Variants in COL28A1 observed in about 807,000 individuals in gnomAD.
COL28A1 encodes collagen alpha-1(XXVIII) chain.
COL28A1 carries 161 observed loss-of-function variants against 150.2 expected under a neutral mutation model. That is an observed-to-expected ratio of 1.07 (90% CI 0.94 to 1.22). The LOEUF (loss-of-function observed/expected upper bound fraction) is 1.22. COL28A1 is among the 50% of genes most tolerant of loss of function. The pLI is 0.00. For missense variants in COL28A1, 1,617 were observed against 1,388.3 expected (o/e 1.16, Z -2.62); for synonymous variants, 552 against 469.7 (o/e 1.18, Z -2.26).
At chr7:7,348,465 C>T in the COL28A1 span, among the ~76,000 whole-genome samples, 4 of 150,784 alleles carry the variant, frequency 2.7e-5, no homozygotes, top group African/African-American at 1.0e-4. Context: ...CTAGCACACT[C>T]TCACTCGCTC....
chr7:7,386,571 G>C (rs775518675), intron 27 of COL28A1, among the ~76,000 whole-genome samples: 5 of 152,184 alleles, frequency 3.3e-5, no homozygotes, highest in Non-Finnish European at 5.9e-5. Flanking sequence ...ATACAAGCTG[G>C]TGAGAATTTA....
chr7:7,520,588 G>T lies in COL28A1; in HGVS notation c.760-473C>A, dbSNP rs1447763968. Among the ~76,000 whole-genome samples, 12 of 152,150 alleles carry T rather than the reference G, an allele frequency of 7.9e-5. 2 individuals are homozygous for T. The highest frequency in any genetic ancestry group is 7.9e-4 in the Admixed American group (12 of 15,266). On this transcript the variant is annotated intron_variant, in intron 5 of 34. Coordinates refer to ENST00000399429, the MANE Select transcript of COL28A1 (RefSeq NM_001037763.3). ...CAGGAGACAATCTCAAAAGATGGGA[G>T]AAAGGAGCTCTGTAATCCTGTTCCA...
intron 24 of COL28A1, 40 bp downstream of exon 24, chr7:7,432,592 C>T (rs1444598239): frequency 5.0e-6 from 8 of 1,611,980 alleles, no homozygotes; most frequent in Non-Finnish European, 6.8e-6. Context: ...GTATGCAACA[C>T]TCAAAAAGGA....
chr7:7,343,372 T>A, the COL28A1 span, among the ~76,000 whole-genome samples: 445 of 152,168 alleles, frequency 2.9e-3, 6 homozygotes, highest in African/African-American at 0.01. Context: ...AACTTCCATG[T>A]CTCTTAACTT....
intron 27 of COL28A1, among the ~76,000 whole-genome samples, chr7:7,397,392 G>A (rs1782900747): frequency 6.6e-6 from 1 of 151,992 alleles, no homozygotes. Context: ...CCCCAACTCA[G>A]GATTCCTTCT....
At position 7,373,262 on chromosome 7, in the gene COL28A1, G is replaced by C; in HGVS notation, c.2644C>G (p.Gln882Glu). ...GEGTYTATAL[Q>E]AANDMFEDAR... ...TCTTCAAACATGTCGTTGGCTGCTT[G>C]CAGAGCAGTGGCTGTGTATGTGCCT... is the stretch of plus-strand genomic sequence containing the variant. The change falls in exon 32 of 35, where the codon CAA becomes GAA. Residue 882 changes from glutamine (Q) to glutamate (E), a missense_variant. Coordinates refer to ENST00000399429, the MANE Select transcript of COL28A1 (RefSeq NM_001037763.3). The surrounding 1 kb of genome is among the most constrained non-coding windows in gnomAD (Gnocchi z 4.1). The C allele has an allele frequency of 6.2e-7, 1 of 1,614,170 alleles. No homozygotes were observed. The highest frequency in any genetic ancestry group is 8.5e-7 in the Non-Finnish European group (1 of 1,180,032).
chr7:7,412,255 C>A (rs957258703), intron 27 of COL28A1, among the ~76,000 whole-genome samples: 2 of 152,012 alleles, frequency 1.3e-5, no homozygotes, highest in Non-Finnish European at 2.9e-5. Context: ...AGAGGCCCAG[C>A]CAACAGAAGA....
At chr7:7,540,589 T>C (rs1453581333), upstream of COL28A1, among the ~76,000 whole-genome samples, 5 of 152,256 alleles carry the variant, frequency 3.3e-5, no homozygotes. Flanking sequence ...CCATCTTTCA[T>C]TATCTCTAAA....
chr7:7,461,607 G>T (rs1212283418), intron 15 of COL28A1, among the ~76,000 whole-genome samples: 1 of 152,118 alleles, frequency 6.6e-6, no homozygotes, highest in Non-Finnish European at 1.5e-5. Context: ...GACTATGACT[G>T]CTGGCTTTCC....
At chr7:7,385,970 T>A (rs1199854623) in intron 27 of COL28A1, among the ~76,000 whole-genome samples, 7 of 152,182 alleles carry the variant, frequency 4.6e-5, no homozygotes, top group Non-Finnish European at 1.0e-4. Flanking sequence ...GACTTTTCAA[T>A]GTATAAGTCT....
intron 23 of COL28A1, among the ~76,000 whole-genome samples, chr7:7,434,794 A>G (rs1394767147): frequency 6.6e-6 from 1 of 152,210 alleles, no homozygotes; most frequent in Non-Finnish European, 1.5e-5. Flanking sequence ...GAATTTTGCC[A>G]CTTGGCTTTT....
intron 27 of COL28A1, chr7:7,417,535 A>G (rs1164217435): frequency 1.6e-4 from 14 of 87,352 alleles, no homozygotes; most frequent in African/African-American, 1.4e-3. Flanking sequence ...GGAGGGAGGG[A>G]GGGAGGGGGG....
chr7:7,361,190 T>C lies in COL28A1; in HGVS notation c.3067-662A>G, dbSNP rs187123972. The stretch of plus-strand genomic sequence containing the variant: ...ATAAGATGCTCTAAGAAATGTTTGA[T>C]ATCTAAAGAACAAAGGATTTTTGTT... On this transcript the variant is annotated intron_variant, in intron 33 of 34. Coordinates refer to ENST00000399429, the MANE Select transcript of COL28A1 (RefSeq NM_001037763.3). Among the ~76,000 whole-genome samples, 412 of 152,338 alleles carry C rather than the reference T, an allele frequency of 2.7e-3. 2 individuals are homozygous for C. Among genetic ancestry groups the C allele is most frequent in the African/African-American group, 9.3e-3 (386 of 41,574 alleles).
chr7:7,448,553 G>C (rs1239899966), intron 18 of COL28A1, among the ~76,000 whole-genome samples: 1 of 151,230 alleles, frequency 6.6e-6, no homozygotes, highest in Non-Finnish European at 1.5e-5. Context: ...TGACTTCTAG[G>C]TGTTTACCCA....
At chr7:7,447,409 T>C (rs1786342447) in intron 18 of COL28A1, among the ~76,000 whole-genome samples, 1 of 151,640 alleles carries the variant, frequency 6.6e-6, no homozygotes, top group African/African-American at 2.4e-5. Flanking sequence ...CAAGACCCCA[T>C]CTTTTAAAAT....
upstream of COL28A1, among the ~76,000 whole-genome samples, chr7:7,539,903 T>C (rs554474371): frequency 6.6e-6 from 1 of 152,308 alleles, no homozygotes; most frequent in East Asian, 1.9e-4. Context: ...AATAATTGTG[T>C]CACATTTGCA....
chr7:7,500,518 G>C (rs1780459664), intron 11 of COL28A1, among the ~76,000 whole-genome samples: 1 of 152,162 alleles, frequency 6.6e-6, no homozygotes, highest in African/African-American at 2.4e-5. Flanking sequence ...AAGAAGACTA[G>C]GAATGATTAA....
chr7:7,344,786 A>G, the COL28A1 span, among the ~76,000 whole-genome samples: 3 of 152,130 alleles, frequency 2.0e-5, no homozygotes, highest in African/African-American at 7.2e-5. Flanking sequence ...GTCAACAGCA[A>G]CAAGGCTAAG....
chr7:7,384,025 A>C (rs1321088712), intron 27 of COL28A1, among the ~76,000 whole-genome samples: 1 of 152,086 alleles, frequency 6.6e-6, no homozygotes, highest in Non-Finnish European at 1.5e-5. Flanking sequence ...CATTGGCTTG[A>C]CTGAACTCTA....
Sources: gnomAD v4.1 joint callset for allele counts (sites outside exome capture counted in the v4.1 genomes callset) on GRCh38, gnomAD v4.1.1 for gene constraint, Gnocchi (gnomAD v3.1) non-coding constraint, MANE v1.5 for transcripts, NCBI Gene and HGNC (gene_info 2026-07-23, HGNC 2026-07-21) for gene names.